The following CCSER1 variants were observed in gnomAD, a reference collection of about 807,000 sequenced individuals.
CCSER1 encodes serine-rich coiled-coil domain-containing protein 1.
A neutral mutation model predicts 82.0 loss-of-function variants in CCSER1; 41 were observed. That is an observed-to-expected ratio of 0.50 (90% CI 0.39 to 0.65). CCSER1 has a LOEUF of 0.65. Among genes scored for constraint, CCSER1 ranks in the 30% least tolerant of loss-of-function variants. CCSER1 has a pLI of 0.00. For missense variants in CCSER1, 1,119 were observed against 1,064.2 expected (o/e 1.05, Z -0.72); for synonymous variants, 414 against 383.9 (o/e 1.08, Z -0.92).
chr4:90,298,125 G>A lies in CCSER1; in HGVS notation c.-41-10119G>A, dbSNP rs200306769. On this transcript the variant is annotated intron_variant, in intron 1 of 10. Transcript: ENST00000509176. ...TCCACTGTGAATCCATCTGGTCCTG[G>A]ACTCTTTTTGGTTGGTAAGCTATTG... Among the ~76,000 whole-genome samples the A allele has an allele frequency of 2.1e-3, 315 of 152,132 alleles. 3 individuals are homozygous for A. In the South Asian group the frequency reaches 0.033, roughly 16 times the overall value.
At chr4:91,586,038 A>G (rs1006103638) in intron 10 of CCSER1, among the ~76,000 whole-genome samples, 2 of 151,532 alleles carry the variant, frequency 1.3e-5, no homozygotes, top group Non-Finnish European at 3.0e-5. Context: ...ATGGAGGTGG[A>G]GAGTAGTGGG....
chr4:91,318,562 A>AT (rs1745982286), intron 10 of CCSER1, among the ~76,000 whole-genome samples: 1 of 152,074 alleles, frequency 6.6e-6, no homozygotes, highest in South Asian at 2.1e-4. Flanking sequence ...GATAATATTA[A>AT]CCAAATAAGA....
At chr4:90,931,809 G>A (rs1265650686) in intron 9 of CCSER1, among the ~76,000 whole-genome samples, 1 of 152,118 alleles carries the variant, frequency 6.6e-6, no homozygotes, top group African/African-American at 2.4e-5. Context: ...ATGTTTTTCA[G>A]CTACTTGATT....
At chr4:90,971,426 C>A (rs1317590853) in intron 9 of CCSER1, among the ~76,000 whole-genome samples, 1 of 151,926 alleles carries the variant, frequency 6.6e-6, no homozygotes, top group Non-Finnish European at 1.5e-5. Flanking sequence ...CATCTTCCAC[C>A]AAGCCCCTCT....
intron 1 of CCSER1, among the ~76,000 whole-genome samples, chr4:90,142,823 G>A (rs1413274835): frequency 4.0e-5 from 6 of 151,872 alleles, no homozygotes; most frequent in African/African-American, 1.5e-4. Flanking sequence ...TATAAAAATT[G>A]TTATGGTTTT....
chr4:91,228,560 C>T (rs1425467039), intron 10 of CCSER1, among the ~76,000 whole-genome samples: 1 of 151,838 alleles, frequency 6.6e-6, no homozygotes, highest in Non-Finnish European at 1.5e-5. Flanking sequence ...GCATAAAACA[C>T]ATATATAATC....
At chr4:90,480,438 A>G (rs182101278) in intron 5 of CCSER1, among the ~76,000 whole-genome samples, 2,417 of 152,250 alleles carry the variant, frequency 0.016, 40 homozygotes, top group African/African-American at 0.047. Context: ...TGTTTTAGAC[A>G]TGAAGTCCTT....
At chr4:90,869,057 G>GT (rs1376829888) in intron 8 of CCSER1, among the ~76,000 whole-genome samples, 1 of 151,864 alleles carries the variant, frequency 6.6e-6, no homozygotes, top group Non-Finnish European at 1.5e-5. Context: ...GGATTATTAA[G>GT]TTTTTTCCTA....
At chr4:90,252,435 A>G (rs1366639337) in intron 1 of CCSER1, among the ~76,000 whole-genome samples, 2 of 151,726 alleles carry the variant, frequency 1.3e-5, no homozygotes, top group African/African-American at 2.4e-5. Context: ...CACATTGGTA[A>G]TATAAGAACG....
intron 4 of CCSER1, among the ~76,000 whole-genome samples, chr4:90,448,952 G>T (rs535031478): frequency 3.9e-4 from 60 of 152,244 alleles, no homozygotes; most frequent in Admixed American, 7.8e-4. Context: ...ACTGGAGGGT[G>T]GACAAGGCAA....
At chr4:90,765,474 A>G (rs1354788969) in intron 7 of CCSER1, among the ~76,000 whole-genome samples, 1 of 152,148 alleles carries the variant, frequency 6.6e-6, no homozygotes, top group Non-Finnish European at 1.5e-5. Context: ...CTCCCTCCAG[A>G]TCTTTGACAA....
At chr4:90,271,354 A>G (rs1430277217) in intron 1 of CCSER1, among the ~76,000 whole-genome samples, 1 of 152,144 alleles carries the variant, frequency 6.6e-6, no homozygotes, top group Non-Finnish European at 1.5e-5. Flanking sequence ...TGGTGAGCTC[A>G]TTTTTGATAA....
chr4:90,661,475 A>C (rs1730766742), intron 6 of CCSER1, among the ~76,000 whole-genome samples: 1 of 152,218 alleles, frequency 6.6e-6, no homozygotes, highest in Non-Finnish European at 1.5e-5. Context: ...TAGAAGAAGC[A>C]ATGTAAAGGC....
In CCSER1 at chr4:90,169,399, G is replaced by A. The variant is rs371258939; in HGVS notation, c.-42+41568G>A. On this transcript the variant is annotated intron_variant, in intron 1 of 10. Coordinates refer to ENST00000509176, the MANE Select transcript of CCSER1 (RefSeq NM_001145065.2). The stretch of plus-strand genomic sequence containing the variant: ...GGGCTGAGACGATGGGGTTTTCTAG[G>A]TATACAATCATGTCATCTGCAAACA... Among the ~76,000 whole-genome samples the A allele has an allele frequency of 3.6e-4, 55 of 152,030 alleles. No homozygotes were observed. The South Asian group carries it at 7.5e-3, about 21-fold the overall frequency.
At chr4:90,740,090 G>A (rs910566789) in intron 7 of CCSER1, among the ~76,000 whole-genome samples, 5 of 151,924 alleles carry the variant, frequency 3.3e-5, no homozygotes, top group African/African-American at 4.8e-5. Flanking sequence ...TTTAATTTCC[G>A]TTAAGTTTGG....
At chr4:91,020,139 C>A (rs1399282997) in intron 9 of CCSER1, among the ~76,000 whole-genome samples, 2 of 152,060 alleles carry the variant, frequency 1.3e-5, no homozygotes, top group East Asian at 3.9e-4. Flanking sequence ...AAAAGCTTCA[C>A]TTTGAAAATA....
intron 10 of CCSER1, among the ~76,000 whole-genome samples, chr4:91,258,599 G>T (rs532613680): frequency 1.3e-5 from 2 of 152,098 alleles, no homozygotes; most frequent in East Asian, 3.9e-4. Flanking sequence ...TTGTGTTTAA[G>T]GCTAAGTTAT....
At chr4:90,797,158 G>T (rs979159838) in intron 7 of CCSER1, among the ~76,000 whole-genome samples, 15 of 152,092 alleles carry the variant, frequency 9.9e-5, no homozygotes, top group African/African-American at 3.6e-4. Flanking sequence ...TTATGAATCT[G>T]GGTACTCCTA....
intron 10 of CCSER1, among the ~76,000 whole-genome samples, chr4:91,278,900 A>AT (rs926892834): frequency 1.6e-4 from 25 of 151,942 alleles, no homozygotes; most frequent in African/African-American, 5.8e-4. Flanking sequence ...TAGATATTAT[A>AT]TTTTCATTCC....
Sources: gnomAD v4.1 joint callset for allele counts (sites outside exome capture counted in the v4.1 genomes callset) on GRCh38, gnomAD v4.1.1 for gene constraint, MANE v1.5 for transcripts, NCBI Gene and HGNC (gene_info 2026-07-23, HGNC 2026-07-21) for gene names.